MGLL: variants seen among roughly 807,000 people sequenced by gnomAD.
MGLL encodes the protein lysophospholipase homolog.
MGLL carries 7 observed loss-of-function variants against 29.1 expected under a neutral mutation model. The observed-to-expected ratio is 0.24, with a 90% confidence interval of 0.14 to 0.45. The LOEUF is 0.45. MGLL is among the 20% of genes least tolerant of loss of function. The pLI is 0.99. For missense variants in MGLL, 356 were observed against 413.6 expected (o/e 0.86, Z 1.21); for synonymous variants, 148 against 168.3 (o/e 0.88, Z 0.93).
At chr3:127,747,296 C>CA (rs957228134) in intron 3 of MGLL, among the ~76,000 whole-genome samples, 1 of 152,164 alleles carries the variant, frequency 6.6e-6, no homozygotes, top group Non-Finnish European at 1.5e-5. Context: ...CCTGCTCCAT[C>CA]TGAAACACCC....
At chr3:127,780,084 A>G (rs1395944842) in intron 3 of MGLL, among the ~76,000 whole-genome samples, 2 of 152,246 alleles carry the variant, frequency 1.3e-5, no homozygotes, top group Non-Finnish European at 2.9e-5. Flanking sequence ...GCTCTGCCTC[A>G]ACTCTAGATG....
chr3:127,800,171 T>C (rs1445590806), intron 2 of MGLL, among the ~76,000 whole-genome samples: 1 of 152,150 alleles, frequency 6.6e-6, no homozygotes. Flanking sequence ...ACACTCTAAG[T>C]GGTGGTGGGG....
intron 3 of MGLL, among the ~76,000 whole-genome samples, chr3:127,775,188 A>G (rs1260308154): frequency 1.3e-5 from 2 of 152,130 alleles, no homozygotes; most frequent in Non-Finnish European, 2.9e-5. Context: ...CCCACACTCT[A>G]CAAGTTGCAG....
chr3:127,810,462 G>A (rs890071546), intron 2 of MGLL, among the ~76,000 whole-genome samples: 1 of 152,198 alleles, frequency 6.6e-6, no homozygotes, highest in Non-Finnish European at 1.5e-5. Context: ...GCCTGTGAGA[G>A]TGTGATTCCC....
chr3:127,694,955 G>A lies in MGLL; in HGVS notation c.816+20C>T. ...CCCCCCTCCACCTTGGGGGGAAGTG[G>A]GCAAGTGGCAGCCGCTCACCTTGAG... On this transcript the variant is annotated intron_variant, in intron 7 of 7. Coordinates refer to ENST00000265052, the MANE Select transcript of MGLL (RefSeq NM_007283.7). 1 of 1,611,618 alleles carries A rather than the reference G, an allele frequency of 6.2e-7. No homozygotes were observed. Among genetic ancestry groups the A allele is most frequent in the Admixed American group, 1.7e-5 (1 of 60,006 alleles).
At chr3:127,794,116 G>C (rs1329064416) in intron 2 of MGLL, among the ~76,000 whole-genome samples, 3 of 151,892 alleles carry the variant, frequency 2.0e-5, no homozygotes, top group Non-Finnish European at 4.4e-5. Context: ...TCGAGACCAG[G>C]CTGGCCAACA....
intron 2 of MGLL, among the ~76,000 whole-genome samples, chr3:127,792,652 G>A (rs1260810896): frequency 2.0e-5 from 3 of 151,840 alleles, no homozygotes; most frequent in Admixed American, 6.6e-5. Context: ...GCGATGAGAC[G>A]AGATCGCGCC....
intron 3 of MGLL, among the ~76,000 whole-genome samples, chr3:127,746,728 T>C (rs2076452036): frequency 6.6e-6 from 1 of 152,160 alleles, no homozygotes; most frequent in Non-Finnish European, 1.5e-5. Context: ...TCTTGTCCTC[T>C]GCCACTCCCG....
chr3:127,743,691 A>G (rs959333570), intron 3 of MGLL, among the ~76,000 whole-genome samples: 1 of 149,144 alleles, frequency 6.7e-6, no homozygotes, highest in Non-Finnish European at 1.5e-5. Context: ...ACTGCGTGCC[A>G]CCCCTACACG....
chr3:127,706,021 G>A (rs28437485), intron 6 of MGLL, among the ~76,000 whole-genome samples: 38,278 of 152,010 alleles, frequency 0.25, 5,040 homozygotes, highest in Middle Eastern at 0.49. Context: ...CACAGCCACC[G>A]TGGAAAATGG....
intron 3 of MGLL, among the ~76,000 whole-genome samples, chr3:127,743,003 T>C (rs958102628): frequency 4.6e-5 from 7 of 152,186 alleles, no homozygotes; most frequent in Non-Finnish European, 1.0e-4. Flanking sequence ...TTAGTAGAGA[T>C]GGGGTTTTGC....
intron 2 of MGLL, among the ~76,000 whole-genome samples, chr3:127,815,467 C>T (rs1489490590): frequency 2.0e-5 from 3 of 152,258 alleles, no homozygotes; most frequent in Non-Finnish European, 4.4e-5. Context: ...GTTCATCTCT[C>T]CATCTCCTGC....
At chr3:127,699,638 C>T (rs989789545) in intron 6 of MGLL, among the ~76,000 whole-genome samples, 5 of 152,220 alleles carry the variant, frequency 3.3e-5, no homozygotes, top group Non-Finnish European at 5.9e-5. Flanking sequence ...CCACTGCCAT[C>T]AGCATTCTTA....
intron 7 of MGLL, among the ~76,000 whole-genome samples, chr3:127,693,709 C>T (rs558602237): frequency 1.3e-5 from 2 of 152,296 alleles, no homozygotes; most frequent in East Asian, 1.9e-4. Context: ...CATCATCATC[C>T]GTTTCATTTA....
At chr3:127,700,034 C>A (rs1559906791) in intron 6 of MGLL, among the ~76,000 whole-genome samples, 1 of 152,244 alleles carries the variant, frequency 6.6e-6, no homozygotes, top group Non-Finnish European at 1.5e-5. Flanking sequence ...AAGCGTCACC[C>A]TTCCACCTGG....
At position 127,697,193 on chromosome 3, in the gene MGLL, G is replaced by C. The variant is rs533511900; in HGVS notation, c.601-2003C>G. 6.6e-5 allele frequency among the ~76,000 whole-genome samples: 10 copies of C among 152,364 alleles called. No individual in the cohort carries two copies. The East Asian group carries it at 1.5e-3, about 23-fold the overall frequency. On this transcript the variant is annotated intron_variant, in intron 6 of 7. Coordinates refer to ENST00000265052, the MANE Select transcript of MGLL (RefSeq NM_007283.7). ...GGCCCATGGCCAGGCCCAACCACAG[G>C]GGGTGCTTCCCCAGGGTCAGCCAGG...
intron 2 of MGLL, among the ~76,000 whole-genome samples, chr3:127,795,877 C>T (rs1362009403): frequency 6.6e-6 from 1 of 152,110 alleles, no homozygotes; most frequent in Non-Finnish European, 1.5e-5. Context: ...ATCTTATCAC[C>T]CAGTGATAAC....
intron 2 of MGLL, among the ~76,000 whole-genome samples, chr3:127,815,799 C>T (rs1239168449): frequency 6.6e-6 from 1 of 152,242 alleles, no homozygotes; most frequent in Non-Finnish European, 1.5e-5. Flanking sequence ...AGCAGCAGCC[C>T]TGCCTCTAGG....
chr3:127,788,822 G>A (rs1163880481), intron 2 of MGLL, among the ~76,000 whole-genome samples: 1 of 152,070 alleles, frequency 6.6e-6, no homozygotes, highest in Admixed American at 6.5e-5. Context: ...CATTCATCCT[G>A]GTGTCCTGTC....
Sources: allele counts gnomAD v4.1 joint callset (sites outside exome capture counted in the v4.1 genomes callset), GRCh38; gene constraint gnomAD v4.1.1; transcripts MANE v1.5; gene names NCBI Gene and HGNC (gene_info 2026-07-23, HGNC 2026-07-21).